The following COPG2 variants were observed in gnomAD, a reference collection of about 807,000 sequenced individuals.
COPG2 encodes coat protein complex I subunit gamma 2.
COPG2 carries 37 observed loss-of-function variants against 46.3 expected under a neutral mutation model. The observed-to-expected ratio is 0.80, with a 90% CI of 0.61 to 1.05. The LOEUF is 1.05. Among genes scored for constraint, COPG2 ranks in the 50% least tolerant of loss-of-function variants. The probability of loss-of-function intolerance (pLI) is 0.00; values close to 1 mark genes in which losing one functional copy is unlikely to be tolerated. For synonymous variants in COPG2, 159 were observed against 129.7 expected, an observed-to-expected ratio of 1.23 and a Z score of -1.53; for missense variants, 427 against 387.8, an observed-to-expected ratio of 1.10 and a Z score of -0.85.
intron 9 of COPG2, among the ~76,000 whole-genome samples, chr7:130,595,412 T>G (rs1388920899): frequency 6.6e-6 from 1 of 152,198 alleles, no homozygotes; most frequent in Non-Finnish European, 1.5e-5. Context: ...TGTGAGGTGA[T>G]GCAAATGGTC....
At chr7:130,646,997 GTGTATATATATATGTATATATATATA>G (rs1732335458) in intron 5 of COPG2, among the ~76,000 whole-genome samples, 64 of 41,002 alleles carry the variant, frequency 1.6e-3, no homozygotes, top group Middle Eastern at 0.022. Context: ...ATATATATAT[GTGTATATATATATGTATATATATATA>G]TGTGTATATA....
chr7:130,647,377 CA>C (rs1310755151), intron 5 of COPG2, among the ~76,000 whole-genome samples: 1 of 152,108 alleles, frequency 6.6e-6, no homozygotes, highest in African/African-American at 2.4e-5. Flanking sequence ...TGGACTAATA[CA>C]AACTCCATGG....
intron 5 of COPG2, among the ~76,000 whole-genome samples, chr7:130,617,340 A>G (rs1554453054): frequency 6.6e-6 from 1 of 152,230 alleles, no homozygotes; most frequent in East Asian, 1.9e-4. Flanking sequence ...AATCACGTAA[A>G]CAAAACAACC....
At chr7:130,533,312 G>A (rs992419959) in intron 20 of COPG2, among the ~76,000 whole-genome samples, 10 of 151,994 alleles carry the variant, frequency 6.6e-5, no homozygotes, top group African/African-American at 2.2e-4. Context: ...TGGGGCACAA[G>A]GGTGGGGGTG....
In COPG2 at chr7:130,566,813, C is replaced by T. The variant is rs1027411093; in HGVS notation, c.738-2420G>A. On this transcript the variant is annotated intron_variant, in intron 9 of 23. Transcript: ENST00000425248. ...GAATGTGATAAGAAAGTCAGGCAGT[C>T]GGGCAGGATGTTTCTCACGGCCCAG... is the stretch of plus-strand genomic sequence containing the variant. Among the ~76,000 whole-genome samples, 6 of 152,140 alleles carry T rather than the reference C, an allele frequency of 3.9e-5. No homozygotes were observed. In the East Asian group the frequency reaches 7.7e-4, roughly 20 times the overall value.
chr7:130,537,604 GGA>G (rs1799893883), intron 20 of COPG2, among the ~76,000 whole-genome samples: 2 of 151,868 alleles, frequency 1.3e-5, no homozygotes, highest in Non-Finnish European at 1.5e-5. Flanking sequence ...GCAGGACAGA[GGA>G]GAGGTGTTCC....
chr7:130,627,774 T>TG (rs1252917115), intron 5 of COPG2, among the ~76,000 whole-genome samples: 3 of 10,198 alleles, frequency 2.9e-4, no homozygotes, highest in East Asian at 6.9e-3. Context: ...ATGCGGGGGG[T>TG]GGGGGGTGTG....
At chr7:130,542,637 G>A (rs1225763510) in intron 20 of COPG2, among the ~76,000 whole-genome samples, 1 of 152,190 alleles carries the variant, frequency 6.6e-6, no homozygotes, top group African/African-American at 2.4e-5. Flanking sequence ...GAAGATGACA[G>A]TGGGAGGCAA....
intron 20 of COPG2, among the ~76,000 whole-genome samples, chr7:130,527,797 T>C (rs1016732053): frequency 7.8e-4 from 119 of 152,092 alleles, no homozygotes; most frequent in African/African-American, 2.6e-3. Context: ...ACACAGTTCC[T>C]GACAGACCAG....
chr7:130,551,004 G>C (rs1793528743), intron 16 of COPG2, among the ~76,000 whole-genome samples: 1 of 152,080 alleles, frequency 6.6e-6, no homozygotes, highest in Non-Finnish European at 1.5e-5. Context: ...GAATAAGTGA[G>C]CAACGTTCCT....
intron 4 of COPG2, among the ~76,000 whole-genome samples, chr7:130,657,633 T>A (rs1795882889): frequency 6.6e-6 from 1 of 152,144 alleles, no homozygotes; most frequent in South Asian, 2.1e-4. Context: ...GTGAAACATA[T>A]CTGATAAAGG....
chr7:130,599,091 G>A (rs1794583908), intron 9 of COPG2, among the ~76,000 whole-genome samples: 1 of 152,168 alleles, frequency 6.6e-6, no homozygotes, highest in Non-Finnish European at 1.5e-5. Context: ...GTGCCAGGCA[G>A]GGCCAATGCC....
At chr7:130,538,009 G>A (rs1284997144) in intron 20 of COPG2, among the ~76,000 whole-genome samples, 3 of 151,930 alleles carry the variant, frequency 2.0e-5, no homozygotes, top group South Asian at 2.1e-4. Flanking sequence ...AATACAGGAC[G>A]GTTAGGGGTG....
chr7:130,611,045 C>G lies in COPG2; in HGVS notation c.645G>C (p.Leu215Phe), dbSNP rs1554452002. The change falls in exon 9 of 24, where the codon TTG (leucine) becomes TTC (phenylalanine). Residue 215 changes from leucine (L) to phenylalanine (F), a missense_variant. Physicochemically the swap from Leu to Phe is conservative, Grantham distance 22 (BLOSUM62 0). Coordinates refer to ENST00000425248, the MANE Select transcript of COPG2 (RefSeq NM_012133.6). ...KNDRLAVSKM[L>F]NKFTKSGLKS... ...TGAGACCAGATTTAGTAAACTTATT[C>G]AACATCTTGGAAACAGCAAGTCGAT... The G allele has an allele frequency of 1.2e-6, 2 of 1,613,810 alleles. No individual in the cohort carries two copies. The highest frequency in any genetic ancestry group is 4.5e-5 in the East Asian group (2 of 44,864).
intron 9 of COPG2, among the ~76,000 whole-genome samples, chr7:130,569,654 T>C (rs1439953830): frequency 1.3e-5 from 2 of 152,136 alleles, no homozygotes; most frequent in African/African-American, 4.8e-5. Context: ...ACTAATCTTA[T>C]TGAAACTATT....
At chr7:130,592,249 G>A (rs1554449107) in intron 9 of COPG2, among the ~76,000 whole-genome samples, 2 of 152,078 alleles carry the variant, frequency 1.3e-5, no homozygotes. Context: ...CAAGTACCCA[G>A]GGACACAAAC....
chr7:130,654,002 T>C (rs1584612847), intron 4 of COPG2, among the ~76,000 whole-genome samples: 1 of 148,420 alleles, frequency 6.7e-6, no homozygotes, highest in African/African-American at 2.5e-5. Flanking sequence ...AGAAGAAAAC[T>C]AGAGATACGA....
intron 20 of COPG2, among the ~76,000 whole-genome samples, chr7:130,539,496 G>A (rs1421885119): frequency 6.6e-6 from 1 of 152,158 alleles, no homozygotes; most frequent in Non-Finnish European, 1.5e-5. Context: ...AAGTTTGAGC[G>A]GTGAAAGCAG....
intron 4 of COPG2, among the ~76,000 whole-genome samples, chr7:130,658,541 C>T (rs1265604563): frequency 1.3e-5 from 2 of 151,730 alleles, no homozygotes; most frequent in Non-Finnish European, 2.9e-5. Flanking sequence ...GCATGTAAAA[C>T]TACACTTAAA....
Sources: allele counts gnomAD v4.1 joint callset (sites outside exome capture counted in the v4.1 genomes callset), GRCh38; gene constraint gnomAD v4.1.1; transcripts MANE v1.5; gene names NCBI Gene and HGNC (gene_info 2026-07-23, HGNC 2026-07-21).